Variants in UMODL1 observed in about 807,000 individuals in gnomAD.
UMODL1 encodes uromodulin like 1.
A neutral mutation model predicts 136.3 loss-of-function variants in UMODL1; 128 were observed. That is an observed-to-expected ratio of 0.94 (90% CI 0.81 to 1.09). The LOEUF is 1.09. Among genes scored for constraint, UMODL1 ranks in the 50% least tolerant of loss-of-function variants. UMODL1 has a pLI of 0.00. For synonymous variants in UMODL1, 721 were observed against 720.0 expected (o/e 1.00, Z -0.02); for missense variants, 1,766 against 1,725.6 (o/e 1.02, Z -0.41).
intron 6 of UMODL1, chr21:42,093,959 T>C (rs1042018145): frequency 3.9e-5 from 18 of 456,632 alleles, no homozygotes; most frequent in Non-Finnish European, 6.6e-5. Flanking sequence ...GTCTATAGAT[T>C]CCTGCTCTGT....
intron 6 of UMODL1, among the ~76,000 whole-genome samples, chr21:42,098,371 A>G (rs960085782): frequency 6.6e-6 from 1 of 152,148 alleles, no homozygotes; most frequent in Non-Finnish European, 1.5e-5. Context: ...CCCATCACCT[A>G]ATGCAATCCT....
At chr21:42,108,826 C>A (rs2066762778) in intron 9 of UMODL1, among the ~76,000 whole-genome samples, 1 of 152,212 alleles carries the variant, frequency 6.6e-6, no homozygotes. Context: ...CCCGGGTGCT[C>A]TAGAATATGG....
rs755299006 is a variant in UMODL1, at chr21:42,122,966, C to A, written c.2963C>A (p.Ala988Glu). 3.1e-6 allele frequency: 5 copies of A among 1,614,082 alleles called. No homozygotes were observed. Among genetic ancestry groups the A allele is most frequent in the Non-Finnish European group, 4.2e-6 (5 of 1,180,034 alleles). Residue 988 changes from alanine to glutamate, a missense_variant, in exon 17 of 23, where the codon GCA becomes GAA. Transcript: ENST00000408910. The surrounding 1 kb of genome is among the most constrained non-coding windows in gnomAD (Gnocchi z 4.3). ...GLPQRLNLTG[A>E]VRVLCEIEKV... ...CCCCAGCGGCTGAACCTGACCGGAG[C>A]AGTCAGGGTGCTCTGTGAGATCGAG...
intron 21 of UMODL1, among the ~76,000 whole-genome samples, chr21:42,132,924 A>AAT (rs2067153078): frequency 6.6e-6 from 1 of 152,252 alleles, no homozygotes; most frequent in South Asian, 2.1e-4. Context: ...GAAGTTATTG[A>AAT]ATAAGTGCTA....
intron 22 of UMODL1, among the ~76,000 whole-genome samples, chr21:42,138,058 A>G (rs1481048035): frequency 6.6e-6 from 1 of 152,110 alleles, no homozygotes; most frequent in Non-Finnish European, 1.5e-5. Context: ...CGGCAGTGCT[A>G]TATGGGTGAC....
At position 42,129,813 on chromosome 21, in the gene UMODL1, G is replaced by A; in HGVS notation, c.3775+16G>A. On this transcript the variant is annotated intron_variant, in intron 21 of 22. Coordinates refer to ENST00000408910, the MANE Select transcript of UMODL1 (RefSeq NM_001004416.3). The stretch of plus-strand genomic sequence containing the variant: ...CGGTCTGAAGGTGAGTTGATGACTT[G>A]GTTTAGACAATGAAAGAAAAGATGC... 1.3e-6 allele frequency: 2 copies of A among 1,524,516 alleles called. No homozygotes were observed. The highest frequency in any genetic ancestry group is 1.3e-5 in the South Asian group (1 of 76,120). The allele number at this position is 1,524,516 out of a possible 1,614,324, so 94.4% of individuals were successfully genotyped here. A position where few individuals can be genotyped will look rare whatever the true frequency, so the allele number is the denominator to read the frequency against.
chr21:42,094,027 A>G (rs370556643), intron 6 of UMODL1: 1 of 434,860 alleles, frequency 2.3e-6, no homozygotes, highest in East Asian at 7.2e-5. Flanking sequence ...GAAAACAGGT[A>G]TTTTCCAAAT....
At position 42,121,110 on chromosome 21, in the gene UMODL1, G is replaced by A; in HGVS notation, c.2713G>A (p.Glu905Lys). 6.2e-7 allele frequency: 1 copy of A among 1,613,912 alleles called. No homozygotes were observed. Among genetic ancestry groups the A allele is most frequent in the Non-Finnish European group, 8.5e-7 (1 of 1,179,922 alleles). ...IQDYDECERKEDDCVPGTSCR... is the reference protein window; with the variant it reads ...IQDYDECERKKDDCVPGTSCR... ...AGATTACGATGAGTGTGAAAGGAAG[G>A]AGGACGACTGTGTGCCGGGGACATC... Residue 905 changes from glutamate to lysine, a missense_variant, in exon 16 of 23, where the codon GAG becomes AAG. Glu to Lys is a moderately conservative substitution (Grantham distance 56, BLOSUM62 1). Transcript: ENST00000408910.
upstream of UMODL1, among the ~76,000 whole-genome samples, chr21:42,069,267 C>CACACACACACACACACACAA (rs2066209068): frequency 6.6e-6 from 1 of 150,800 alleles, no homozygotes; most frequent in Non-Finnish European, 1.5e-5. Context: ...CACACACACA[C>CACACACACACACACACACAA]AAACAGCAGG....
At chr21:42,129,900 T>C in intron 21 of UMODL1, 103 bp downstream of exon 21, 7 of 859,842 alleles carry the variant, frequency 8.1e-6, no homozygotes, top group Non-Finnish European at 1.2e-5. Flanking sequence ...GCAGAACTCT[T>C]GAGAGACTTC....
rs220151 is a variant in UMODL1 at position 42,122,269 on chromosome 21, G to A, written c.2828-562G>A. Among the ~76,000 whole-genome samples the A allele has an allele frequency of 2.6e-5, 4 of 151,900 alleles. No homozygotes were observed. The highest frequency in any genetic ancestry group is 3.9e-4 in the East Asian group (2 of 5,156). The stretch of plus-strand genomic sequence containing the variant: ...CGAGAACAGGTGGGTGGATTGGAAA[G>A]CTTTCCGGGCCCCTTGTTCTCCTAG... On this transcript the variant is annotated intron_variant, in intron 16 of 22. Coordinates refer to ENST00000408910, the MANE Select transcript of UMODL1 (RefSeq NM_001004416.3). This position sits in a 1 kb window ranked among gnomAD's most constrained non-coding sequence, Gnocchi z 4.3.
In UMODL1 at chr21:42,111,063, G is replaced by A. The variant is rs966116265; in HGVS notation, c.1841G>A (p.Gly614Glu). The change falls in exon 11 of 23, where the codon GGG becomes GAG. Residue 614 changes from glycine to glutamate, a missense_variant. By Grantham distance (98) the Gly-to-Glu change is moderately conservative. Transcript: ENST00000408910. ...AWTPEPSPRR[G>E]GSNVVGYDRN... The stretch of plus-strand genomic sequence containing the variant: ...ACCCCAGAGCCCTCACCCAGAAGAG[G>A]GGGCAGCAATGTGGTCGGGTATGAC... 3.7e-6 allele frequency: 6 copies of A among 1,613,482 alleles called. No individual in the cohort carries two copies. The highest frequency in any genetic ancestry group is 4.2e-6 in the Non-Finnish European group (5 of 1,179,862).
At chr21:42,132,249 A>G (rs1173794214) in intron 21 of UMODL1, among the ~76,000 whole-genome samples, 1 of 151,032 alleles carries the variant, frequency 6.6e-6, no homozygotes, top group Non-Finnish European at 1.5e-5. Flanking sequence ...TCCATTGGTC[A>G]TCCATCTATC....
At chr21:42,126,685 C>G (rs576192851) in intron 18 of UMODL1, among the ~76,000 whole-genome samples, 195 bp downstream of exon 18, 7 of 152,192 alleles carry the variant, frequency 4.6e-5, no homozygotes, top group Non-Finnish European at 1.0e-4. Context: ...AAATATGTCC[C>G]GTGGCCAATC....
At chr21:42,093,775 G>A (rs1002657795) in intron 6 of UMODL1, 3 of 413,722 alleles carry the variant, frequency 7.3e-6, no homozygotes, top group South Asian at 3.4e-5. Flanking sequence ...CGGAAAGAGA[G>A]GTTTTCACAG....
intron 6 of UMODL1, among the ~76,000 whole-genome samples, chr21:42,095,093 T>TTTTTTTTTTTG (rs2066540562): frequency 2.6e-5 from 3 of 116,148 alleles, no homozygotes; most frequent in Admixed American, 1.8e-4. Flanking sequence ...TCTGCTGTTT[T>TTTTTTTTTTTG]TTTTTTTTTT....
In UMODL1 at chr21:42,086,141, G is replaced by T. The variant is rs146180468; in HGVS notation, c.603+729G>T. 9.2e-3 allele frequency among the ~76,000 whole-genome samples: 1,402 copies of T among 152,290 alleles called. 13 individuals are homozygous for T. Among genetic ancestry groups the T allele is most frequent in the African/African-American group, 0.023 (948 of 41,568 alleles). Reference sequence around the variant, plus strand: ...CCCAAGGCTGCCGCGTGTCCCCAAGGCCGCCCTCCCTGGGGGATGGTCTGG... The same window carrying T: ...CCCAAGGCTGCCGCGTGTCCCCAAGTCCGCCCTCCCTGGGGGATGGTCTGG... On this transcript the variant is annotated intron_variant, in intron 4 of 22. Coordinates refer to ENST00000408910, the MANE Select transcript of UMODL1 (RefSeq NM_001004416.3).
intron 6 of UMODL1, among the ~76,000 whole-genome samples, chr21:42,098,148 C>T (rs1333091686): frequency 6.6e-6 from 1 of 151,224 alleles, no homozygotes; most frequent in Non-Finnish European, 1.5e-5. Flanking sequence ...CAAATGTTTT[C>T]TGTACGATGA....
intron 2 of UMODL1, among the ~76,000 whole-genome samples, chr21:42,081,189 C>T (rs995133101): frequency 6.6e-6 from 1 of 152,186 alleles, no homozygotes; most frequent in Non-Finnish European, 1.5e-5. Flanking sequence ...TTCCTGTCCC[C>T]GCATGCTGAT....
Sources: allele counts gnomAD v4.1 joint callset (sites outside exome capture counted in the v4.1 genomes callset), GRCh38; gene constraint gnomAD v4.1.1; non-coding constraint Gnocchi (gnomAD v3.1); transcripts MANE v1.5; gene names NCBI Gene and HGNC (gene_info 2026-07-23, HGNC 2026-07-21).